The following RYR2 variants were observed in gnomAD, a reference collection of about 807,000 sequenced individuals.
RYR2 encodes the protein cardiac muscle ryanodine receptor-calcium release channel.
In RYR2, 227 loss-of-function variants were observed where a neutral mutation model predicts 601.1. That is an observed-to-expected ratio of 0.38 (90% CI 0.34 to 0.42). RYR2 has a LOEUF of 0.42. Among genes scored for constraint, RYR2 ranks in the 10% least tolerant of loss-of-function variants. RYR2 has a pLI of 1.00. For missense variants in RYR2, 4,646 were observed against 6,156.5 expected, an observed-to-expected ratio of 0.75 and a Z score of 8.21; for synonymous variants, 2,223 against 2,175.1, an observed-to-expected ratio of 1.02 and a Z score of -0.61.
intron 96 of RYR2, among the ~76,000 whole-genome samples, chr1:237,795,938 GTA>G (rs1659157063): frequency 3.2e-5 from 1 of 30,914 alleles, no homozygotes; most frequent in Admixed American, 6.2e-4. Flanking sequence ...GTGTACATAT[GTA>G]TGTGTGCATA....
chr1:237,177,417 A>T (rs1010790424), intron 1 of RYR2, among the ~76,000 whole-genome samples: 1 of 152,198 alleles, frequency 6.6e-6, no homozygotes, highest in African/African-American at 2.4e-5. Flanking sequence ...TCCTGATCAC[A>T]ATTCCTACTT....
intron 18 of RYR2, 92 bp downstream of exon 18, chr1:237,492,016 T>C (rs1663404548): frequency 1.5e-6 from 1 of 674,938 alleles, no homozygotes; most frequent in Non-Finnish European, 2.6e-6. Flanking sequence ...GTGTCAAATT[T>C]TTCATGAGTG....
rs1675065059 is a variant in RYR2, at chr1:237,590,759, G to A, written c.3927G>A (p.Glu1309=). 6.2e-7 allele frequency: 1 copy of A among 1,613,852 alleles called. No individual in the cohort carries two copies. Residue 1309 remains glutamate, a synonymous_variant, in exon 31 of 105, where the codon GAG becomes GAA. Transcript: ENST00000366574. ...TTTATCGCCTGAGCATGCCGATCGA[G>A]TGCGCGGAGGTCTTCTCCAAGACGG... ...IMFYRLSMPI[E]CAEVFSKTVA...
intron 1 of RYR2, among the ~76,000 whole-genome samples, chr1:237,258,538 T>C (rs1688219830): frequency 6.6e-6 from 1 of 152,220 alleles, no homozygotes. Context: ...ATGTGATCAT[T>C]ATTGGTGGCT....
intron 1 of RYR2, among the ~76,000 whole-genome samples, chr1:237,256,257 A>T (rs892505519): frequency 1.3e-5 from 2 of 152,128 alleles, no homozygotes; most frequent in African/African-American, 4.8e-5. Flanking sequence ...TTCTGCCATG[A>T]TTGGGAGGCC....
At chr1:237,217,849 A>G (rs776011062) in intron 1 of RYR2, among the ~76,000 whole-genome samples, 7 of 152,186 alleles carry the variant, frequency 4.6e-5, no homozygotes, top group Non-Finnish European at 8.8e-5. Context: ...TGATTTGCAG[A>G]CGCAAGCTTT....
chr1:237,527,361 G>T (rs900940721), intron 24 of RYR2, among the ~76,000 whole-genome samples: 2 of 152,192 alleles, frequency 1.3e-5, no homozygotes, highest in Non-Finnish European at 2.9e-5. Context: ...GAAACATCTG[G>T]AATAATGTTT....
intron 3 of RYR2, among the ~76,000 whole-genome samples, chr1:237,333,334 CTGAG>C (rs1229542291): frequency 6.6e-6 from 1 of 152,208 alleles, no homozygotes; most frequent in East Asian, 1.9e-4. Flanking sequence ...TCTCATACTG[CTGAG>C]TATTTTTGAT....
intron 10 of RYR2, among the ~76,000 whole-genome samples, chr1:237,396,481 C>T (rs1362312319): frequency 6.6e-6 from 1 of 152,178 alleles, no homozygotes; most frequent in Non-Finnish European, 1.5e-5. Context: ...TGCCAACATG[C>T]ACAATTTTTG....
At chr1:237,184,013 C>A (rs541962985) in intron 1 of RYR2, among the ~76,000 whole-genome samples, 1 of 152,178 alleles carries the variant, frequency 6.6e-6, no homozygotes, top group Non-Finnish European at 1.5e-5. Context: ...TAAGATCTTG[C>A]AGTTAAACTG....
At chr1:237,162,771 G>A (rs1676177647) in intron 1 of RYR2, among the ~76,000 whole-genome samples, 1 of 152,164 alleles carries the variant, frequency 6.6e-6, no homozygotes, top group African/African-American at 2.4e-5. Flanking sequence ...CTGTTAAGTA[G>A]AGAAACAATT....
chr1:237,269,057 T>TTTTTTTTTTTTGACG (rs1689410141), intron 1 of RYR2, among the ~76,000 whole-genome samples: 1 of 124,980 alleles, frequency 8.0e-6, no homozygotes, highest in African/African-American at 3.0e-5. Flanking sequence ...TTTTTTTTTT[T>TTTTTTTTTTTTGACG]GTGAGACAGA....
intron 62 of RYR2, among the ~76,000 whole-genome samples, chr1:237,682,726 T>C (rs1321254644): frequency 6.6e-6 from 1 of 152,206 alleles, no homozygotes; most frequent in Non-Finnish European, 1.5e-5. Flanking sequence ...TATTTCATCT[T>C]CAGTTTTTCT....
intron 102 of RYR2, among the ~76,000 whole-genome samples, chr1:237,829,640 C>A (rs1574122147): frequency 6.6e-6 from 1 of 152,170 alleles, no homozygotes; most frequent in African/African-American, 2.4e-5. Flanking sequence ...CTCAATGTGA[C>A]CTATCAGCTG....
intron 2 of RYR2, among the ~76,000 whole-genome samples, chr1:237,316,586 G>A (rs868162962): frequency 1.3e-4 from 20 of 152,078 alleles, no homozygotes; most frequent in South Asian, 2.1e-4. Context: ...TGTTCCTTAC[G>A]TCAGCTGATG....
At chr1:237,297,413 C>T (rs539549706) in intron 2 of RYR2, among the ~76,000 whole-genome samples, 4 of 152,192 alleles carry the variant, frequency 2.6e-5, no homozygotes, top group Non-Finnish European at 5.9e-5. Flanking sequence ...TTAAAATCAT[C>T]GTCTGCCATT....
intron 79 of RYR2, among the ~76,000 whole-genome samples, chr1:237,735,210 G>C (rs1187505403): frequency 6.6e-6 from 1 of 152,196 alleles, no homozygotes; most frequent in Non-Finnish European, 1.5e-5. Context: ...GGTTTGTGGA[G>C]AGGGGCCATG....
rs1695334113 is a variant in RYR2 at position 237,783,925 on chromosome 1, G to A, written c.12213G>A (p.Glu4071=). 9 of 1,613,516 alleles carry A rather than the reference G, an allele frequency of 5.6e-6. No homozygotes were observed. Among genetic ancestry groups the A allele is most frequent in the Non-Finnish European group, 7.6e-6 (9 of 1,179,672 alleles). Residue 4071 remains glutamate (E), a synonymous_variant, in exon 90 of 105, where the codon GAG becomes GAA. Coordinates refer to ENST00000366574, the MANE Select transcript of RYR2 (RefSeq NM_001035.3). ...SETEFLLSCA[E]TDENETLDYE... ...CGGAATTTCTTTTGTCTTGTGCGGA[G>A]ACGGATGAGAATGAAACCCTCGACT...
intron 16 of RYR2, among the ~76,000 whole-genome samples, chr1:237,466,244 T>G (rs941657943): frequency 6.6e-6 from 1 of 152,142 alleles, no homozygotes; most frequent in Non-Finnish European, 1.5e-5. Flanking sequence ...TGGCTCATGG[T>G]AGCCTTGACC....
Sources: allele counts gnomAD v4.1 joint callset (sites outside exome capture counted in the v4.1 genomes callset), GRCh38; gene constraint gnomAD v4.1.1; transcripts MANE v1.5; gene names NCBI Gene and HGNC (gene_info 2026-07-23, HGNC 2026-07-21).